The following CMIP variants were observed in gnomAD, a reference collection of about 807,000 sequenced individuals.
CMIP encodes the protein c-Maf inducing protein, also known as C-Maf-inducing protein.
CMIP carries 13 observed loss-of-function variants against 97.3 expected under a neutral mutation model. The ratio of observed to expected loss-of-function variants is 0.13; its 90% CI spans 0.09 to 0.21. CMIP has a LOEUF of 0.21. Among genes scored for constraint, CMIP ranks in the 10% least tolerant of loss-of-function variants. CMIP has a pLI of 1.00. For synonymous variants in CMIP, 538 were observed against 436.3 expected, an observed-to-expected ratio of 1.23 and a Z score of -2.91; for missense variants, 847 against 1,024.9, an observed-to-expected ratio of 0.83 and a Z score of 2.37.
chr16:81,558,427 G>A (rs866391356), intron 1 of CMIP, among the ~76,000 whole-genome samples: 1 of 152,214 alleles, frequency 6.6e-6, no homozygotes, highest in African/African-American at 2.4e-5. Flanking sequence ...GCTCTTCTCC[G>A]GTTAAGTTTT....
chr16:81,463,281 C>T (rs894921186), intron 1 of CMIP, among the ~76,000 whole-genome samples: 1 of 152,212 alleles, frequency 6.6e-6, no homozygotes, highest in Non-Finnish European at 1.5e-5. Flanking sequence ...TCTTTAGCCA[C>T]ACCCTAGAGC....
chr16:81,610,873 C>A (rs2091820371), intron 2 of CMIP, among the ~76,000 whole-genome samples: 1 of 152,150 alleles, frequency 6.6e-6, no homozygotes, highest in East Asian at 1.9e-4. Context: ...GATTCACATA[C>A]AACATACTGT....
intron 1 of CMIP, among the ~76,000 whole-genome samples, chr16:81,491,391 C>G (rs2089403583): frequency 6.6e-6 from 1 of 152,224 alleles, no homozygotes; most frequent in Non-Finnish European, 1.5e-5. Context: ...GTTAGTAAAA[C>G]TCCCTGCCCT....
chr16:81,535,482 T>G (rs923970427), intron 1 of CMIP, among the ~76,000 whole-genome samples: 2 of 151,904 alleles, frequency 1.3e-5, no homozygotes, highest in African/African-American at 4.8e-5. Context: ...TTTTTTTTTT[T>G]TTTAAACAGC....
intron 1 of CMIP, among the ~76,000 whole-genome samples, chr16:81,513,628 TG>T (rs2089855329): frequency 6.6e-6 from 1 of 152,216 alleles, no homozygotes; most frequent in African/African-American, 2.4e-5. Context: ...CGGTCCGTTC[TG>T]GCCTGGCTGC....
chr16:81,498,503 C>CA (rs1453943552), intron 1 of CMIP, among the ~76,000 whole-genome samples: 28 of 152,338 alleles, frequency 1.8e-4, no homozygotes, highest in African/African-American at 6.7e-4. Flanking sequence ...CCTGCTTTCT[C>CA]ACGGGGGTTA....
chr16:81,458,890 C>T (rs1369574768), intron 1 of CMIP, among the ~76,000 whole-genome samples: 1 of 152,184 alleles, frequency 6.6e-6, no homozygotes, highest in Admixed American at 6.5e-5. Context: ...ATGGAAAGTA[C>T]TTAGTAGAGT....
At chr16:81,610,440 G>A (rs1348025418) in intron 2 of CMIP, 12 of 985,974 alleles carry the variant, frequency 1.2e-5, no homozygotes, top group Non-Finnish European at 1.4e-5. Context: ...AAAAGGAGGA[G>A]GAGGAGGCGG....
At chr16:81,462,687 G>A (rs1373632648) in intron 1 of CMIP, among the ~76,000 whole-genome samples, 4 of 152,144 alleles carry the variant, frequency 2.6e-5, no homozygotes, top group Non-Finnish European at 5.9e-5. Context: ...TTCAAGGTTG[G>A]CACTTCTTGC....
intron 2 of CMIP, among the ~76,000 whole-genome samples, chr16:81,612,583 CG>C (rs1355182999): frequency 6.6e-6 from 1 of 152,172 alleles, no homozygotes; most frequent in Non-Finnish European, 1.5e-5. Context: ...TGGAAAAGGT[CG>C]CTCACAGCGC....
rs370691985 is a variant in CMIP at position 81,699,673 on chromosome 16, C to A, written c.1639-12C>A. ...GTCTCTGTCCCTTCACCTGGGCCTT[C>A]TTGCCTCACAGGTGCACATCCTCAT... On this transcript the variant is annotated splice_polypyrimidine_tract_variant and intron_variant, in intron 14 of 20. Transcript: ENST00000537098. 1.0e-5 allele frequency: 16 copies of A among 1,582,904 alleles called. No individual in the cohort carries two copies. The highest frequency in any genetic ancestry group is 1.3e-5 in the African/African-American group (1 of 74,290).
Position 81,445,346 on chromosome 16 carries a change from G to A in CMIP, c.105G>A (p.Met35Ile). ...TGTCGGCCCCCGAAGGCACGAAGATGGGCGCCGTGCCCTGCCGCCGGGCTC... is the reference window on the plus strand; with the variant it reads ...TGTCGGCCCCCGAAGGCACGAAGATAGGCGCCGTGCCCTGCCGCCGGGCTC... The part of the protein sequence containing the change: ...GDVSAPEGTK[M>I]GAVPCRRALL... The change falls in exon 1 of 21, where the codon ATG becomes ATA. Residue 35 changes from methionine to isoleucine, a missense_variant. Met to Ile is a conservative substitution (Grantham distance 10). Coordinates refer to ENST00000537098, the MANE Select transcript of CMIP (RefSeq NM_198390.3). The A allele has an allele frequency of 6.3e-7, 1 of 1,599,658 alleles. No individual in the cohort carries two copies. The highest frequency in any genetic ancestry group is 8.5e-7 in the Non-Finnish European group (1 of 1,173,796).
chr16:81,690,718 A>G (rs1905963669), intron 10 of CMIP, among the ~76,000 whole-genome samples: 1 of 152,226 alleles, frequency 6.6e-6, no homozygotes, highest in African/African-American at 2.4e-5. Context: ...TGAGGCCAGG[A>G]GTTCAAGACC....
At chr16:81,662,075 G>T (rs71400168) in intron 6 of CMIP, among the ~76,000 whole-genome samples, 1 of 152,078 alleles carries the variant, frequency 6.6e-6, no homozygotes. Context: ...GTCTGCCTCC[G>T]GGACTCATGG....
At chr16:81,660,059 A>T (rs2092527678) in intron 5 of CMIP, among the ~76,000 whole-genome samples, 2 of 152,056 alleles carry the variant, frequency 1.3e-5, no homozygotes, top group South Asian at 2.1e-4. Flanking sequence ...TCCATTGGCC[A>T]GGCAGTAGTA....
intron 1 of CMIP, among the ~76,000 whole-genome samples, chr16:81,471,899 G>T (rs755842396): frequency 6.6e-6 from 1 of 152,150 alleles, no homozygotes; most frequent in Non-Finnish European, 1.5e-5. Flanking sequence ...GGACAGTGTG[G>T]GATTGAAGAC....
At chr16:81,548,689 G>GA (rs954595216) in intron 1 of CMIP, among the ~76,000 whole-genome samples, 21 of 143,128 alleles carry the variant, frequency 1.5e-4, no homozygotes, top group South Asian at 4.5e-4. Context: ...AAAAAAAAAA[G>GA]AAAAAAAAAA....
chr16:81,692,361 C>T (rs572099841), intron 11 of CMIP, among the ~76,000 whole-genome samples: 1 of 152,312 alleles, frequency 6.6e-6, no homozygotes, highest in East Asian at 1.9e-4. Context: ...CTCTCTCTTG[C>T]CGGCCCCTAG....
intron 10 of CMIP, among the ~76,000 whole-genome samples, chr16:81,681,417 T>G (rs533579138): frequency 6.6e-6 from 1 of 152,242 alleles, no homozygotes; most frequent in South Asian, 2.1e-4. Flanking sequence ...TGCCACATAC[T>G]AGTTGTGACC....
Sources: gnomAD v4.1 joint callset for allele counts (sites outside exome capture counted in the v4.1 genomes callset) on GRCh38, gnomAD v4.1.1 for gene constraint, MANE v1.5 for transcripts, NCBI Gene and HGNC (gene_info 2026-07-23, HGNC 2026-07-21) for gene names.